The following SV2B variants were observed in gnomAD, a reference collection of about 807,000 sequenced individuals.
SV2B encodes the protein solute carrier family 22 member B2.
A neutral mutation model predicts 73.9 loss-of-function variants in SV2B; 41 were observed. The observed-to-expected ratio is 0.56, with a 90% confidence interval of 0.43 to 0.72. The LOEUF (loss-of-function observed/expected upper bound fraction) is 0.72. SV2B is among the 30% of genes least tolerant of loss of function. The pLI, the probability that SV2B is intolerant of heterozygous loss-of-function variation, is 0.00. For synonymous variants in SV2B, 314 were observed against 314.2 expected (o/e 1.00, Z 0.01); for missense variants, 764 against 857.8 (o/e 0.89, Z 1.37).
rs139846364 is a variant in SV2B, at chr15:91,132,040, T to C, written c.-392+31677T>C. Among the ~76,000 whole-genome samples, 812 of 152,300 alleles carry C rather than the reference T, an allele frequency of 5.3e-3. 4 individuals carry two copies. Among genetic ancestry groups the C allele is most frequent in the Middle Eastern group, 0.027 (8 of 294 alleles). ...GGTAGAGGGTCGTGACTGCAAGTTA[T>C]TGAGGTTCTTGGTGTTTTGAACAAA... On this transcript the variant is annotated intron_variant, in intron 1 of 12. Transcript: ENST00000394232. This position sits in a 1 kb window ranked among gnomAD's most constrained non-coding sequence, Gnocchi z 4.6.
chr15:91,151,047 A>T (rs1427978300), intron 1 of SV2B, among the ~76,000 whole-genome samples: 1 of 152,202 alleles, frequency 6.6e-6, no homozygotes, highest in African/African-American at 2.4e-5. Context: ...AGTCAAGATG[A>T]TTTAGGTGAG....
intron 1 of SV2B, among the ~76,000 whole-genome samples, chr15:91,172,878 G>A (rs2044172254): frequency 6.6e-6 from 1 of 151,738 alleles, no homozygotes; most frequent in Non-Finnish European, 1.5e-5. Flanking sequence ...TGCTATTATT[G>A]TTCTTGCCCG....
In SV2B at chr15:91,122,433, G is replaced by A. The variant is rs561213262; in HGVS notation, c.-392+22070G>A. Reference sequence around the variant, plus strand: ...TGTCTGAATAATTTTTAATGGCTCAGCTTTCTCCTGCTGGGTTGACTCTCT... The same window carrying A: ...TGTCTGAATAATTTTTAATGGCTCAACTTTCTCCTGCTGGGTTGACTCTCT... On this transcript the variant is annotated intron_variant, in intron 1 of 12. Coordinates refer to ENST00000394232, the MANE Select transcript of SV2B (RefSeq NM_001323032.3). This position sits in a 1 kb window ranked among gnomAD's most constrained non-coding sequence, Gnocchi z 4.3. 6.6e-6 allele frequency among the ~76,000 whole-genome samples: 1 copy of A among 152,334 alleles called. No homozygotes were observed. The highest frequency in any genetic ancestry group is 1.5e-5 in the Non-Finnish European group (1 of 68,030).
chr15:91,200,524 T>A (rs978069810), intron 1 of SV2B, among the ~76,000 whole-genome samples: 1 of 152,118 alleles, frequency 6.6e-6, no homozygotes, highest in Admixed American at 6.5e-5. Flanking sequence ...TACATGGTTG[T>A]GGTCAGTGGT....
intron 1 of SV2B, among the ~76,000 whole-genome samples, chr15:91,222,609 C>T (rs996020136): frequency 3.9e-5 from 6 of 152,148 alleles, no homozygotes; most frequent in African/African-American, 1.2e-4. Flanking sequence ...GCTCTGCCAG[C>T]GACTCTGCGT....
chr15:91,275,883 C>A (rs1263394768), intron 9 of SV2B, among the ~76,000 whole-genome samples: 1 of 152,160 alleles, frequency 6.6e-6, no homozygotes, highest in Non-Finnish European at 1.5e-5. Flanking sequence ...TCTTTGTGAA[C>A]ATCCAAGTTT....
At chr15:91,211,614 C>T (rs1186640584) in intron 1 of SV2B, among the ~76,000 whole-genome samples, 1 of 151,026 alleles carries the variant, frequency 6.6e-6, no homozygotes, top group Non-Finnish European at 1.5e-5. Context: ...AGCAATTCTT[C>T]TGCCTCAGCC....
In SV2B at chr15:91,241,315, C is replaced by T. The variant is rs2047003399; in HGVS notation, c.452-10504C>T. 6.6e-6 allele frequency among the ~76,000 whole-genome samples: 1 copy of T among 152,182 alleles called. No homozygotes were observed. The highest frequency in any genetic ancestry group is 1.5e-5 in the Non-Finnish European group (1 of 68,022). ...TCTTACTCTGCTGTGTTCCCCACCCCTGGTTGCATCCGACTTTTCCTCCAT... is the reference window on the plus strand; with the variant it reads ...TCTTACTCTGCTGTGTTCCCCACCCTTGGTTGCATCCGACTTTTCCTCCAT... On this transcript the variant is annotated intron_variant, in intron 2 of 12. Transcript: ENST00000394232. The surrounding 1 kb of genome is among the most constrained non-coding windows in gnomAD (Gnocchi z 4.8).
At position 91,178,120 on chromosome 15, in the gene SV2B, A is replaced by G. The variant is rs1473999837; in HGVS notation, c.-391-47753A>G. Among the ~76,000 whole-genome samples, 287 of 151,680 alleles carry G rather than the reference A, an allele frequency of 1.9e-3. 1 individual carries two copies. The highest frequency in any genetic ancestry group is 5.8e-3 in the African/African-American group (241 of 41,374). On this transcript the variant is annotated intron_variant, in intron 1 of 12. Transcript: ENST00000394232. Reference sequence around the variant, plus strand: ...AGCATGAAGGTTGTTGAATTTTGTCAAAGGCCTTTTCTGCATCTATTGAGA... The same window carrying G: ...AGCATGAAGGTTGTTGAATTTTGTCGAAGGCCTTTTCTGCATCTATTGAGA...
intron 1 of SV2B, among the ~76,000 whole-genome samples, chr15:91,185,165 T>C (rs1393957298): frequency 1.3e-5 from 2 of 152,198 alleles, no homozygotes; most frequent in African/African-American, 4.8e-5. Context: ...TTGACCTCCC[T>C]GGGCTCAGTG....
At chr15:91,194,647 A>G (rs2045176526) in intron 1 of SV2B, among the ~76,000 whole-genome samples, 1 of 152,262 alleles carries the variant, frequency 6.6e-6, no homozygotes, top group Non-Finnish European at 1.5e-5. Flanking sequence ...TCATTCATTC[A>G]GGAAACCCAT....
At chr15:91,169,242 C>G (rs553945896) in intron 1 of SV2B, among the ~76,000 whole-genome samples, 1 of 152,092 alleles carries the variant, frequency 6.6e-6, no homozygotes, top group Non-Finnish European at 1.5e-5. Context: ...CTGAAGTAGC[C>G]TCATCAGTGT....
intron 1 of SV2B, among the ~76,000 whole-genome samples, chr15:91,198,275 T>C (rs1294470231): frequency 5.3e-5 from 8 of 152,190 alleles, no homozygotes; most frequent in Non-Finnish European, 1.0e-4. Context: ...TCAATCACTT[T>C]CTCTTCAAAT....
chr15:91,236,838 A>G lies in SV2B; in HGVS notation c.451+10124A>G, dbSNP rs916136774. ...CACCCACACAAATATCTGGTACCCA[A>G]ACTGGAAGACGCAGATGGCTGGGGC... is the stretch of plus-strand genomic sequence containing the variant. On this transcript the variant is annotated intron_variant, in intron 2 of 12. Transcript: ENST00000394232. The surrounding 1 kb of genome is among the most constrained non-coding windows in gnomAD (Gnocchi z 4.1). Among the ~76,000 whole-genome samples, 5 of 152,068 alleles carry G rather than the reference A, an allele frequency of 3.3e-5. No homozygotes were observed. The highest frequency in any genetic ancestry group is 6.6e-5 in the Admixed American group (1 of 15,260).
At chr15:91,170,120 G>T (rs529919579) in intron 1 of SV2B, among the ~76,000 whole-genome samples, 1 of 152,046 alleles carries the variant, frequency 6.6e-6, no homozygotes, top group African/African-American at 2.4e-5. Context: ...TTGTAGGTCC[G>T]TATTTTTTTA....
chr15:91,286,720 C>G (rs2141785842), intron 11 of SV2B, among the ~76,000 whole-genome samples: 1 of 152,204 alleles, frequency 6.6e-6, no homozygotes, highest in Non-Finnish European at 1.5e-5. Flanking sequence ...TTTTAATCAA[C>G]ATTTTAGAGA....
Position 91,232,039 on chromosome 15 carries a change from G to A in SV2B, c.451+5325G>A, listed in dbSNP as rs749796859. 2.0e-5 allele frequency among the ~76,000 whole-genome samples: 3 copies of A among 152,140 alleles called. No individual in the cohort carries two copies. Among genetic ancestry groups the A allele is most frequent in the South Asian group, 2.1e-4 (1 of 4,826 alleles). On this transcript the variant is annotated intron_variant, in intron 2 of 12. Coordinates refer to ENST00000394232, the MANE Select transcript of SV2B (RefSeq NM_001323032.3). The surrounding 1 kb of genome is among the most constrained non-coding windows in gnomAD (Gnocchi z 4.7). Reference sequence around the variant, plus strand: ...ATTGTTTTATATGCAAATTCTAGCCGAGCATCAGGGCATAATATTTGATTT... The same window carrying A: ...ATTGTTTTATATGCAAATTCTAGCCAAGCATCAGGGCATAATATTTGATTT...
At chr15:91,209,695 G>A (rs1188794251) in intron 1 of SV2B, among the ~76,000 whole-genome samples, 3 of 152,150 alleles carry the variant, frequency 2.0e-5, no homozygotes, top group African/African-American at 7.2e-5. Context: ...CTCTCCAGGG[G>A]TATGACGTTG....
At chr15:91,274,404 A>G (rs2048415972) in intron 9 of SV2B, among the ~76,000 whole-genome samples, 1 of 152,194 alleles carries the variant, frequency 6.6e-6, no homozygotes, top group Non-Finnish European at 1.5e-5. Context: ...TAATTTTTTG[A>G]AGGTTTGGTA....
Sources: allele counts gnomAD v4.1 joint callset (sites outside exome capture counted in the v4.1 genomes callset), GRCh38; gene constraint gnomAD v4.1.1; non-coding constraint Gnocchi (gnomAD v3.1); transcripts MANE v1.5; gene names NCBI Gene and HGNC (gene_info 2026-07-23, HGNC 2026-07-21).